CEP350: variants seen among roughly 807,000 people sequenced by gnomAD.
The protein encoded by CEP350 is centrosome-associated protein 350.
CEP350 carries 126 observed loss-of-function variants against 331.8 expected under a neutral mutation model. The ratio of observed to expected loss-of-function variants is 0.38; its 90% CI spans 0.33 to 0.44. The LOEUF (loss-of-function observed/expected upper bound fraction) is 0.44. CEP350 is among the 20% of genes least tolerant of loss of function. The pLI is 1.00. For missense variants in CEP350, 3,406 were observed against 3,634.6 expected, an observed-to-expected ratio of 0.94 and a Z score of 1.62; for synonymous variants, 1,200 against 1,259.5, an observed-to-expected ratio of 0.95 and a Z score of 1.00.
chr1:180,048,751 A>G (rs1226224348), intron 22 of CEP350, 46 bp downstream of exon 22: 2 of 1,450,158 alleles, frequency 1.4e-6, no homozygotes, highest in Non-Finnish European at 1.9e-6. Flanking sequence ...TTCAGAAACC[A>G]GAGGAAAGGT....
chr1:180,032,543 T>TCC (rs2148883999), intron 15 of CEP350, among the ~76,000 whole-genome samples: 1 of 152,184 alleles, frequency 6.6e-6, no homozygotes, highest in East Asian at 1.9e-4. Flanking sequence ...AATCTAGATT[T>TCC]CCCCTTCCCT....
At chr1:180,027,375 G>A (rs919618614) in intron 14 of CEP350, among the ~76,000 whole-genome samples, 4 of 151,942 alleles carry the variant, frequency 2.6e-5, no homozygotes, top group Non-Finnish European at 5.9e-5. Context: ...ATTCTGTTTT[G>A]GCTTTTTTTG....
chr1:179,956,895 A>G (rs903269982), intron 1 of CEP350, among the ~76,000 whole-genome samples: 2 of 152,162 alleles, frequency 1.3e-5, no homozygotes, highest in Non-Finnish European at 2.9e-5. Flanking sequence ...TAAACTAAAT[A>G]TTAATATAGG....
rs1654680303 is a variant in CEP350, at chr1:180,011,847, T to C, written c.1247-82T>C. ...CCTTGACAGATGAACATAAGATTAA[T>C]AATAAAACCTGTATGGTTGAGTAGA... On this transcript the variant is annotated intron_variant, in intron 8 of 37. Coordinates refer to ENST00000367607, the MANE Select transcript of CEP350 (RefSeq NM_014810.5). The C allele has an allele frequency of 1.5e-5, 13 of 892,994 alleles. No individual in the cohort carries two copies. In the South Asian group the frequency reaches 2.4e-4, roughly 16 times the overall value. 55.3% of individuals were successfully genotyped at this position (892,994 alleles called of 1,614,324 possible).
intron 1 of CEP350, among the ~76,000 whole-genome samples, chr1:179,978,584 A>G (rs905265034): frequency 1.3e-5 from 2 of 151,732 alleles, no homozygotes; most frequent in African/African-American, 4.8e-5. Flanking sequence ...CTACTTTTCT[A>G]TGAGAAGAGC....
intron 5 of CEP350, among the ~76,000 whole-genome samples, chr1:179,993,713 GA>G (rs142807848): frequency 0.017 from 2,549 of 152,214 alleles, 71 homozygotes; most frequent in African/African-American, 0.058. Context: ...AAAGTGCTTG[GA>G]TTACAGTTGT....
intron 1 of CEP350, chr1:179,968,814 G>T (rs750797337): frequency 9.9e-5 from 69 of 699,272 alleles, no homozygotes; most frequent in African/African-American, 1.8e-5. Flanking sequence ...GGACCTGAAA[G>T]AAGCTTCTGC....
chr1:180,063,283 C>A lies in CEP350; in HGVS notation c.5409+917C>A, dbSNP rs535882126. ...ACAGCTCACAGCAGCCTTGACCTCC[C>A]AGGGGTTAGGTAATCCTCTCACCTC... On this transcript the variant is annotated intron_variant, in intron 26 of 37. Transcript: ENST00000367607. 7.3e-5 allele frequency among the ~76,000 whole-genome samples: 11 copies of A among 151,298 alleles called. No homozygotes were observed. The East Asian group carries it at 2.2e-3, about 30-fold the overall frequency.
Position 180,096,197 on chromosome 1 carries a change from CTA to C in CEP350, c.9066+16_9066+17del. On this transcript the variant is annotated intron_variant, in intron 36 of 37. Transcript: ENST00000367607. ...TGATGAAATCAAGGTAAACTGCAAA[CTA>C]TAAAGTGTCTTCTTTTTTGACTTGC... 1 of 1,535,700 alleles carries C rather than the reference CTA, an allele frequency of 6.5e-7. No homozygotes were observed. Among genetic ancestry groups the C allele is most frequent in the Non-Finnish European group, 8.8e-7 (1 of 1,141,018 alleles).
rs1027895488 is a variant in CEP350 at position 180,102,134 on chromosome 1, A to T, written c.9189+3149A>T. ...GCCACTGAGGCCTAACACCCTTGAC[A>T]TTTTTTTTTTTTTTTTTTTGAGACA... On this transcript the variant is annotated intron_variant, in intron 37 of 37. Coordinates refer to ENST00000367607, the MANE Select transcript of CEP350 (RefSeq NM_014810.5). Among the ~76,000 whole-genome samples the T allele has an allele frequency of 6.1e-4, 82 of 133,912 alleles. No homozygotes were observed. The East Asian group carries it at 0.016, about 26-fold the overall frequency. The allele number at this position is 133,912 out of a possible 152,430, so 87.9% of individuals were successfully genotyped here. A position where few individuals can be genotyped will look rare whatever the true frequency, so the allele number is the denominator to read the frequency against.
At chr1:179,991,980 A>G (rs971074281) in intron 4 of CEP350, 82 bp from the exon 5 acceptor site, 9 of 1,229,866 alleles carry the variant, frequency 7.3e-6, no homozygotes, top group Middle Eastern at 2.0e-4. Context: ...TAGATACCTA[A>G]TTTTTTTTTT....
Position 180,006,370 on chromosome 1 carries a change from T to C in CEP350, c.1133-84T>C, listed in dbSNP as rs894014899. 3 of 739,216 alleles carry C rather than the reference T, an allele frequency of 4.1e-6. No individual in the cohort carries two copies. In the South Asian group the frequency reaches 4.7e-5, roughly 12 times the overall value. 45.8% of individuals were successfully genotyped at this position (739,216 alleles called of 1,614,324 possible). A position where few individuals can be genotyped will look rare whatever the true frequency, so the allele number is the denominator to read the frequency against. ...TTCTCCCTACCTGCAGCATATACTT[T>C]ATACAGATTTTTCCTATGGGCGGAG... On this transcript the variant is annotated intron_variant, in intron 7 of 37. Transcript: ENST00000367607.
intron 22 of CEP350, 125 bp downstream of exon 22, chr1:180,048,830 A>T (rs944582417): frequency 4.6e-5 from 34 of 736,942 alleles, no homozygotes; most frequent in Non-Finnish European, 7.1e-5. Flanking sequence ...GCACTTTGGG[A>T]GGCTGAGCTG....
intron 24 of CEP350, among the ~76,000 whole-genome samples, 196 bp from the exon 25 acceptor site, chr1:180,054,219 C>T (rs1022699821): frequency 6.6e-6 from 1 of 152,180 alleles, no homozygotes; most frequent in South Asian, 2.1e-4. Context: ...CCAGAGGACA[C>T]ATTCTAGGGC....
At chr1:180,041,080 G>A in intron 17 of CEP350, 58 bp from the exon 18 acceptor site, 1 of 1,247,984 alleles carries the variant, frequency 8.0e-7, no homozygotes, top group Non-Finnish European at 1.1e-6. Context: ...GTGTGTTATA[G>A]TCACTGTGTT....
intron 11 of CEP350, among the ~76,000 whole-genome samples, chr1:180,016,369 G>C (rs532363096): frequency 1.0e-3 from 155 of 152,178 alleles, no homozygotes; most frequent in African/African-American, 3.6e-3. Flanking sequence ...TTGTACTTTC[G>C]AGAGCTACCT....
chr1:180,063,408 G>T (rs1001336068), intron 26 of CEP350, among the ~76,000 whole-genome samples: 5 of 151,422 alleles, frequency 3.3e-5, no homozygotes, highest in Admixed American at 6.6e-5. Context: ...GCTCAGGCTG[G>T]TCTCCAACTC....
At chr1:180,048,777 G>C (rs1193702777) in intron 22 of CEP350, 72 bp downstream of exon 22, 2 of 1,247,802 alleles carry the variant, frequency 1.6e-6, no homozygotes, top group Admixed American at 4.6e-5. Context: ...TTGTTATAAA[G>C]TGGCAAATAA....
chr1:180,063,471 G>A (rs944063137), intron 26 of CEP350, among the ~76,000 whole-genome samples: 10 of 151,848 alleles, frequency 6.6e-5, no homozygotes, highest in Admixed American at 2.0e-4. Flanking sequence ...AGGATTACAG[G>A]TGTGAGCCAC....
Sources: allele counts gnomAD v4.1 joint callset (sites outside exome capture counted in the v4.1 genomes callset), GRCh38; gene constraint gnomAD v4.1.1; transcripts MANE v1.5; gene names NCBI Gene and HGNC (gene_info 2026-07-23, HGNC 2026-07-21).